Variants in CSMD1 observed in about 807,000 individuals in gnomAD.
The protein encoded by CSMD1 is CUB and Sushi multiple domains 1.
Under a neutral mutation model 417.5 loss-of-function variants are expected in CSMD1, and 213 were observed. The ratio of observed to expected loss-of-function variants is 0.51; its 90% CI spans 0.46 to 0.57. The LOEUF (loss-of-function observed/expected upper bound fraction) is 0.57, where lower values mean the gene tolerates loss of function less well. Ranked by LOEUF, CSMD1 falls within the 20% of genes least tolerant of loss-of-function variation. The pLI, the probability that CSMD1 is intolerant of heterozygous loss-of-function variation, is 0.00. For missense variants in CSMD1, 6,923 were observed against 4,529.7 expected (o/e 1.53, Z -15.17); for synonymous variants, 2,862 against 1,736.8 (o/e 1.65, Z -16.11).
intron 23 of CSMD1, among the ~76,000 whole-genome samples, chr8:3,325,691 G>C (rs991326228): frequency 6.6e-6 from 1 of 152,170 alleles, no homozygotes; most frequent in East Asian, 1.9e-4. Flanking sequence ...GGGCATGGTG[G>C]CAGGCGCCTA....
intron 1 of CSMD1, among the ~76,000 whole-genome samples, chr8:4,646,717 C>G (rs916111016): frequency 2.6e-5 from 4 of 152,066 alleles, no homozygotes; most frequent in Non-Finnish European, 4.4e-5. Context: ...GAGTTCACCT[C>G]CAAAGAGAAA....
rs553153318 is a variant in CSMD1, at chr8:4,018,413, C to G, written c.610+13492G>C. ...GCAACTTCCTGCCTCGATTCCTGTT[C>G]TCTCCCAGTTTGCAATCTCTGAGTA... On this transcript the variant is annotated intron_variant, in intron 4 of 69. Coordinates refer to ENST00000635120, the MANE Select transcript of CSMD1 (RefSeq NM_033225.6). Among the ~76,000 whole-genome samples the G allele has an allele frequency of 3.3e-5, 5 of 152,292 alleles. No homozygotes were observed. The South Asian group carries it at 8.3e-4, about 25-fold the overall frequency.
At chr8:3,691,727 G>A (rs556055951) in intron 7 of CSMD1, among the ~76,000 whole-genome samples, 4 of 151,824 alleles carry the variant, frequency 2.6e-5, no homozygotes, top group Non-Finnish European at 4.4e-5. Flanking sequence ...AAATATTATC[G>A]CTATTTTAGA....
chr8:3,332,055 A>C (rs1806934723), intron 23 of CSMD1, among the ~76,000 whole-genome samples: 1 of 152,250 alleles, frequency 6.6e-6, no homozygotes, highest in Admixed American at 6.5e-5. Flanking sequence ...ATCATAGATT[A>C]TCAATCAATA....
chr8:3,375,090 A>C (rs760083218), intron 18 of CSMD1: 1 of 152,166 alleles, frequency 6.6e-6, no homozygotes. Flanking sequence ...ACGGTGCCCA[A>C]CTGTAACTTG....
chr8:3,796,066 C>G lies in CSMD1; in HGVS notation c.819-42024G>C, dbSNP rs1370284175. ...ATCTATCATAGATATAGATATATAT[C>G]TATCATAGATATAGATATATATCTA... On this transcript the variant is annotated intron_variant, in intron 5 of 69. Coordinates refer to ENST00000635120, the MANE Select transcript of CSMD1 (RefSeq NM_033225.6). Among the ~76,000 whole-genome samples, 3 of 45,488 alleles carry G rather than the reference C, an allele frequency of 6.6e-5. 1 individual carries two copies. The highest frequency in any genetic ancestry group is 9.5e-5 in the Non-Finnish European group (2 of 20,974). The allele number at this position is 45,488 out of a possible 152,430, so 29.8% of individuals were successfully genotyped here.
intron 46 of CSMD1, among the ~76,000 whole-genome samples, chr8:3,098,643 A>G (rs1320730184): frequency 6.6e-6 from 1 of 152,192 alleles, no homozygotes; most frequent in Admixed American, 6.5e-5. Context: ...TGTGATGGTG[A>G]CCTCATCGCT....
Position 4,364,579 on chromosome 8 carries a change from C to T in CSMD1, c.415+55374G>A, listed in dbSNP as rs1483485631. Among the ~76,000 whole-genome samples the T allele has an allele frequency of 5.8e-3, 100 of 17,284 alleles. 47 individuals carry two copies. The African/African-American group carries it at 0.088, about 15-fold the overall frequency. The allele number at this position is 17,284 out of a possible 152,430, so 11.3% of individuals were successfully genotyped here. The stretch of plus-strand genomic sequence containing the variant: ...GTGGCTCACGCCTGTAATCCCAGCA[C>T]TTTGGGAGGCCGAGGCGGGCGGATC... On this transcript the variant is annotated intron_variant, in intron 3 of 69. Coordinates refer to ENST00000635120, the MANE Select transcript of CSMD1 (RefSeq NM_033225.6).
At chr8:4,911,312 G>A (rs1805655837) in intron 1 of CSMD1, among the ~76,000 whole-genome samples, 1 of 152,164 alleles carries the variant, frequency 6.6e-6, no homozygotes, top group African/African-American at 2.4e-5. Context: ...CAGGTGCTGA[G>A]AGAATAACTT....
At chr8:3,180,887 G>C (rs887742289) in intron 37 of CSMD1, among the ~76,000 whole-genome samples, 1 of 152,072 alleles carries the variant, frequency 6.6e-6, no homozygotes, top group Non-Finnish European at 1.5e-5. Context: ...CTGGTGATCC[G>C]CCCACCTCTT....
intron 7 of CSMD1, among the ~76,000 whole-genome samples, chr8:3,676,938 G>A (rs1252870929): frequency 2.0e-5 from 3 of 152,108 alleles, no homozygotes; most frequent in African/African-American, 2.4e-5. Flanking sequence ...ACACTCATAA[G>A]TGGGAGTTAA....
chr8:3,075,937 G>C (rs1005405166), intron 49 of CSMD1, among the ~76,000 whole-genome samples: 1 of 151,238 alleles, frequency 6.6e-6, no homozygotes, highest in Non-Finnish European at 1.5e-5. Context: ...TGTAGTCCCA[G>C]CTCCTAGGGA....
At chr8:4,670,746 A>G (rs958370823) in intron 1 of CSMD1, among the ~76,000 whole-genome samples, 3 of 152,234 alleles carry the variant, frequency 2.0e-5, no homozygotes, top group Non-Finnish European at 2.9e-5. Flanking sequence ...TAAGTGGTTG[A>G]GAAATACAAG....
chr8:3,004,730 G>C (rs868405628), intron 52 of CSMD1, among the ~76,000 whole-genome samples: 3 of 152,068 alleles, frequency 2.0e-5, no homozygotes, highest in African/African-American at 4.8e-5. Context: ...CTGTGGACAG[G>C]GTAATTCACC....
At chr8:4,551,538 T>C (rs1196181572) in intron 2 of CSMD1, among the ~76,000 whole-genome samples, 3 of 152,238 alleles carry the variant, frequency 2.0e-5, no homozygotes, top group African/African-American at 7.2e-5. Context: ...ATCCCTATGG[T>C]CTTCCCTGGC....
At chr8:3,878,721 T>C (rs1806000604) in intron 5 of CSMD1, among the ~76,000 whole-genome samples, 3 of 152,192 alleles carry the variant, frequency 2.0e-5, no homozygotes, top group Admixed American at 1.3e-4. Flanking sequence ...AGACACTGTG[T>C]CATGGGAAAT....
intron 6 of CSMD1, among the ~76,000 whole-genome samples, chr8:3,752,742 G>A (rs1021270595): frequency 1.3e-5 from 2 of 149,834 alleles, no homozygotes; most frequent in African/African-American, 4.9e-5. Context: ...TGGATTCTGA[G>A]GCAGGAAGTT....
intron 3 of CSMD1, among the ~76,000 whole-genome samples, chr8:4,313,264 T>C (rs10088254): frequency 0.27 from 40,362 of 151,910 alleles, 6,105 homozygotes; most frequent in African/African-American, 0.42. Context: ...GTCACTTTCC[T>C]CTAGTGCCCC....
At chr8:3,516,232 C>G (rs1431913277) in intron 10 of CSMD1, among the ~76,000 whole-genome samples, 1 of 152,208 alleles carries the variant, frequency 6.6e-6, no homozygotes, top group Non-Finnish European at 1.5e-5. Flanking sequence ...TTCTGCAGCA[C>G]TTGCAAAACC....
Sources: allele counts gnomAD v4.1 joint callset (sites outside exome capture counted in the v4.1 genomes callset), GRCh38; gene constraint gnomAD v4.1.1; transcripts MANE v1.5; gene names NCBI Gene and HGNC (gene_info 2026-07-23, HGNC 2026-07-21).